Variants in TRIM14 observed in about 807,000 individuals in gnomAD.
TRIM14 encodes tripartite motif-containing protein 14.
TRIM14 carries 28 observed loss-of-function variants against 44.5 expected under a neutral mutation model. That is an observed-to-expected ratio of 0.63 (90% CI 0.47 to 0.86). The LOEUF (loss-of-function observed/expected upper bound fraction) is 0.86. Among genes scored for constraint, TRIM14 ranks in the 40% least tolerant of loss-of-function variants. The probability of loss-of-function intolerance (pLI) is 0.00; values close to 1 mark genes in which losing one functional copy is unlikely to be tolerated. For missense variants in TRIM14, 607 were observed against 611.1 expected (o/e 0.99, Z 0.07); for synonymous variants, 299 against 269.2 (o/e 1.11, Z -1.08).
the TRIM14 span, chr9:98,056,719 C>G: frequency 6.7e-7 from 1 of 1,501,192 alleles, no homozygotes; most frequent in Non-Finnish European, 8.9e-7. Flanking sequence ...GTGTGGGTCT[C>G]GCAGCGTTGC....
At chr9:98,042,758 T>C in the TRIM14 span, among the ~76,000 whole-genome samples, 2 of 151,666 alleles carry the variant, frequency 1.3e-5, no homozygotes, top group African/African-American at 4.9e-5. Flanking sequence ...TAGTACCAGC[T>C]ACTCAGGAGG....
At chr9:98,092,059 C>A (rs1320594579) in intron 4 of TRIM14, 58 bp from the exon 5 acceptor site, 2 of 1,375,760 alleles carry the variant, frequency 1.5e-6, no homozygotes. Flanking sequence ...ACAAATAAGA[C>A]GTGCTAAAAA....
chr9:98,038,286 A>G, the TRIM14 span, among the ~76,000 whole-genome samples: 1 of 152,220 alleles, frequency 6.6e-6, no homozygotes, highest in Admixed American at 6.5e-5. Flanking sequence ...TCCTGACCTC[A>G]AGTTATCTGC....
At chr9:98,093,646 G>A (rs1208965567) in intron 4 of TRIM14, among the ~76,000 whole-genome samples, 2 of 152,122 alleles carry the variant, frequency 1.3e-5, no homozygotes, top group Non-Finnish European at 2.9e-5. Flanking sequence ...GGGCCACCTT[G>A]AGTGTCCCCT....
chr9:98,079,220 G>C (rs1428198897), intron 6 of TRIM14, among the ~76,000 whole-genome samples: 1 of 152,164 alleles, frequency 6.6e-6, no homozygotes, highest in Non-Finnish European at 1.5e-5. Flanking sequence ...CTAGGCCTTT[G>C]TCTCTTACTG....
At chr9:98,089,010 T>C (rs1187075755) in intron 5 of TRIM14, among the ~76,000 whole-genome samples, 2 of 152,188 alleles carry the variant, frequency 1.3e-5, no homozygotes, top group Non-Finnish European at 2.9e-5. Flanking sequence ...CCATGGACAT[T>C]TGGATTGTTT....
At chr9:98,074,919 G>GA (rs1432035467) in intron 6 of TRIM14, 3 of 151,972 alleles carry the variant, frequency 2.0e-5, no homozygotes, top group Admixed American at 1.3e-4. Context: ...AGATTTTATT[G>GA]AAAAAATATA....
At chr9:98,067,960 G>C (rs544710815), downstream of TRIM14, among the ~76,000 whole-genome samples, 12 of 152,248 alleles carry the variant, frequency 7.9e-5, no homozygotes, top group African/African-American at 2.9e-4. Flanking sequence ...GAGCTCAAGC[G>C]AACAGCCAAC....
chr9:98,061,094 C>T, the TRIM14 span: 1 of 1,158,358 alleles, frequency 8.6e-7, no homozygotes, highest in Non-Finnish European at 1.3e-6. Flanking sequence ...CCAGCCCTTG[C>T]TCATCCTTTC....
chr9:98,110,921 C>A (rs923959581), intron 1 of TRIM14, among the ~76,000 whole-genome samples: 13 of 142,040 alleles, frequency 9.2e-5, no homozygotes, highest in African/African-American at 2.1e-4. Context: ...GTGGCATGCA[C>A]CTGTAGTCCT....
the TRIM14 span, among the ~76,000 whole-genome samples, chr9:98,049,589 G>C: frequency 6.6e-6 from 1 of 152,084 alleles, no homozygotes. Flanking sequence ...TGATGGGAGT[G>C]TCTTTTAGCA....
In TRIM14 at chr9:98,079,336, TTCTA is replaced by T. The variant is rs149092445; in HGVS notation, c.*28+8102_*28+8105del. Among the ~76,000 whole-genome samples the T allele has an allele frequency of 7.7e-3, 1,179 of 152,348 alleles. 7 individuals are homozygous for T. The highest frequency in any genetic ancestry group is 0.027 in the Admixed American group (413 of 15,306). Reference sequence around the variant, plus strand: ...AACTATTATAGTAACATTAATGGAATTCTATCTATCTATCCACACATACTAGAAT... The same window carrying T: ...AACTATTATAGTAACATTAATGGAATTCTATCTATCCACACATACTAGAAT... On this transcript the variant is annotated intron_variant, in intron 6 of 6. Coordinates refer to the TRIM14 transcript ENST00000375098.
intron 1 of TRIM14, among the ~76,000 whole-genome samples, chr9:98,115,547 A>G (rs1168753377): frequency 6.6e-6 from 1 of 151,656 alleles, no homozygotes; most frequent in African/African-American, 2.4e-5. Flanking sequence ...TGAGCCCAGC[A>G]CAATTTTTGT....
At chr9:98,075,698 AAAC>A (rs1330981819) in intron 6 of TRIM14, 1 of 152,142 alleles carries the variant, frequency 6.6e-6, no homozygotes, top group Non-Finnish European at 1.5e-5. Flanking sequence ...TCCAACTTCA[AAAC>A]AAAACAAAGG....
intron 2 of TRIM14, among the ~76,000 whole-genome samples, chr9:98,104,537 G>GAA (rs899439824): frequency 1.8e-4 from 28 of 152,278 alleles, no homozygotes; most frequent in Non-Finnish European, 3.5e-4. Flanking sequence ...GAGAGAGAGG[G>GAA]AAGGGGAGAG....
intron 1 of TRIM14, among the ~76,000 whole-genome samples, chr9:98,114,317 C>T (rs1273851746): frequency 1.3e-5 from 2 of 152,068 alleles, no homozygotes; most frequent in African/African-American, 2.4e-5. Context: ...CTATTCTAAG[C>T]CTTTTATCAT....
chr9:98,112,611 C>G (rs899204689), intron 1 of TRIM14, among the ~76,000 whole-genome samples: 16 of 151,182 alleles, frequency 1.1e-4, no homozygotes, highest in African/African-American at 3.9e-4. Flanking sequence ...CCAGCCTGAC[C>G]AACATGGAGA....
Position 98,091,893 on chromosome 9 carries a change from C to CT in TRIM14, c.793+15dup. On this transcript the variant is annotated intron_variant, in intron 5 of 5. Transcript: ENST00000341469. ...CTCCACCGTCTCCACCCTATCCCCA[C>CT]TCCCGGGGGTCTTACATTTCAGCAA... is the stretch of plus-strand genomic sequence containing the variant. 6.4e-7 allele frequency: 1 copy of CT among 1,573,862 alleles called. No individual in the cohort carries two copies. The highest frequency in any genetic ancestry group is 8.7e-7 in the Non-Finnish European group (1 of 1,155,670).
the TRIM14 span, chr9:98,056,872 A>G: frequency 6.2e-7 from 1 of 1,612,182 alleles, no homozygotes; most frequent in Non-Finnish European, 8.5e-7. Flanking sequence ...GTGCTTCATC[A>G]TTGCCGAGAT....
Sources: gnomAD v4.1 joint callset for allele counts (sites outside exome capture counted in the v4.1 genomes callset) on GRCh38, gnomAD v4.1.1 for gene constraint, MANE v1.5 for transcripts, NCBI Gene and HGNC (gene_info 2026-07-23, HGNC 2026-07-21) for gene names.